DYNC1I1: variants seen among roughly 807,000 people sequenced by gnomAD.
The protein encoded by DYNC1I1 is cytoplasmic dynein 1 intermediate chain 1.
Under a neutral mutation model 86.6 loss-of-function variants are expected in DYNC1I1, and 43 were observed. That is an observed-to-expected ratio of 0.50 (90% CI 0.39 to 0.64). The LOEUF is 0.64. DYNC1I1 is among the 30% of genes least tolerant of loss of function. The pLI, the probability that DYNC1I1 is intolerant of heterozygous loss-of-function variation, is 0.00. For missense variants in DYNC1I1, 604 were observed against 788.8 expected, an observed-to-expected ratio of 0.77 and a Z score of 2.81; for synonymous variants, 262 against 283.7, an observed-to-expected ratio of 0.92 and a Z score of 0.77.
At chr7:96,007,068 A>G (rs1794159528) in intron 10 of DYNC1I1, among the ~76,000 whole-genome samples, 1 of 152,194 alleles carries the variant, frequency 6.6e-6, no homozygotes. Context: ...CTTAGAAACT[A>G]TTTATTTTTT....
At chr7:95,962,304 T>C (rs1410152086) in intron 6 of DYNC1I1, among the ~76,000 whole-genome samples, 1 of 152,200 alleles carries the variant, frequency 6.6e-6, no homozygotes, top group East Asian at 1.9e-4. Flanking sequence ...GGAGACTGTC[T>C]CACACAACTT....
At chr7:95,813,085 T>A (rs2115841865) in intron 3 of DYNC1I1, 162 bp from the exon 4 acceptor site, 1 of 1,423,106 alleles carries the variant, frequency 7.0e-7, no homozygotes, top group South Asian at 1.3e-5. Flanking sequence ...CTTTTTTCCT[T>A]TTCTTTCCTT....
intron 6 of DYNC1I1, among the ~76,000 whole-genome samples, chr7:95,926,287 T>G (rs1791742502): frequency 6.6e-6 from 1 of 152,178 alleles, no homozygotes; most frequent in Non-Finnish European, 1.5e-5. Flanking sequence ...GAAATACTAT[T>G]ACTGGTAGAC....
intron 6 of DYNC1I1, among the ~76,000 whole-genome samples, chr7:95,924,922 T>C (rs1177336159): frequency 3.9e-5 from 6 of 152,186 alleles, no homozygotes; most frequent in Non-Finnish European, 5.9e-5. Flanking sequence ...TAGCCAAAGC[T>C]TTTATAATCA....
chr7:96,015,131 A>C (rs917072707), intron 10 of DYNC1I1, among the ~76,000 whole-genome samples: 3 of 151,758 alleles, frequency 2.0e-5, no homozygotes, highest in African/African-American at 7.3e-5. Context: ...GTATAAAATC[A>C]TTTTTTTCTT....
At chr7:96,075,941 T>G (rs972411678) in intron 14 of DYNC1I1, 116 bp from the exon 15 acceptor site, 21 of 1,409,156 alleles carry the variant, frequency 1.5e-5, no homozygotes, top group Non-Finnish European at 1.9e-5. Context: ...TCGAGGACTT[T>G]CATCTCGGGA....
At chr7:96,058,657 C>T (rs1026378688) in intron 14 of DYNC1I1, among the ~76,000 whole-genome samples, 13 of 152,186 alleles carry the variant, frequency 8.5e-5, no homozygotes, top group Admixed American at 5.2e-4. Flanking sequence ...TTTTTTGAGA[C>T]GGAGTCTCAC....
intron 6 of DYNC1I1, among the ~76,000 whole-genome samples, chr7:95,963,429 G>T (rs1197400828): frequency 3.3e-5 from 5 of 152,120 alleles, no homozygotes; most frequent in African/African-American, 1.2e-4. Flanking sequence ...AAGAACATGT[G>T]TTCAATTATA....
chr7:95,947,251 T>A (rs996144777), intron 6 of DYNC1I1, among the ~76,000 whole-genome samples: 3 of 152,322 alleles, frequency 2.0e-5, no homozygotes, highest in African/African-American at 7.2e-5. Flanking sequence ...TCTGTAAATA[T>A]CTACTCACGT....
chr7:96,064,239 TCTCTCTCTCC>T (rs1256216731), intron 14 of DYNC1I1, among the ~76,000 whole-genome samples: 10 of 133,690 alleles, frequency 7.5e-5, no homozygotes, highest in Non-Finnish European at 1.5e-4. Flanking sequence ...TCTCTCTCTC[TCTCTCTCTCC>T]CTCTCTCAGT....
intron 6 of DYNC1I1, among the ~76,000 whole-genome samples, chr7:95,976,248 G>C (rs913025420): frequency 3.9e-5 from 6 of 152,116 alleles, no homozygotes; most frequent in Admixed American, 2.0e-4. Context: ...CATGCCTATA[G>C]AGTATGATAT....
chr7:95,889,658 A>G (rs1225765531), intron 6 of DYNC1I1, among the ~76,000 whole-genome samples: 4 of 152,222 alleles, frequency 2.6e-5, no homozygotes. Flanking sequence ...CAGAAAACCT[A>G]CAGAATGAGA....
intron 14 of DYNC1I1, chr7:96,055,781 G>A (rs954011280): frequency 6.6e-6 from 1 of 152,028 alleles, no homozygotes; most frequent in Non-Finnish European, 1.5e-5. Flanking sequence ...GAAGTAACTG[G>A]CCCTCCCATA....
chr7:95,822,812 C>G (rs1009409882), intron 4 of DYNC1I1, among the ~76,000 whole-genome samples: 5 of 152,118 alleles, frequency 3.3e-5, no homozygotes, highest in African/African-American at 1.2e-4. Context: ...GGAATACTGA[C>G]GGAAATTTAA....
At chr7:95,886,686 C>G (rs925580450) in intron 6 of DYNC1I1, among the ~76,000 whole-genome samples, 2 of 152,090 alleles carry the variant, frequency 1.3e-5, no homozygotes, top group Admixed American at 1.3e-4. Context: ...TGCCACTTGT[C>G]TGACTGTGCA....
Position 95,960,987 on chromosome 7 carries a change from G to A in DYNC1I1, c.491-16525G>A, listed in dbSNP as rs902242188. Among the ~76,000 whole-genome samples, 3 of 152,204 alleles carry A rather than the reference G, an allele frequency of 2.0e-5. 1 individual carries two copies. In the South Asian group the frequency reaches 6.2e-4, roughly 31 times the overall value. On this transcript the variant is annotated intron_variant, in intron 6 of 16. Coordinates refer to ENST00000447467, the MANE Select transcript of DYNC1I1 (RefSeq NM_001135556.2). ...AGGATTTGATGGGTCACAGTGGCTT[G>A]GCTGGAAGCCACAGGGTAGCTTTAA...
At chr7:95,863,739 T>A (rs1316258001) in intron 5 of DYNC1I1, among the ~76,000 whole-genome samples, 1 of 152,192 alleles carries the variant, frequency 6.6e-6, no homozygotes, top group Non-Finnish European at 1.5e-5. Flanking sequence ...GTGCCTCTCC[T>A]CTTATTTCAG....
At chr7:95,813,414 G>C in intron 4 of DYNC1I1, 77 bp downstream of exon 4, 1 of 1,500,450 alleles carries the variant, frequency 6.7e-7, no homozygotes, top group South Asian at 1.3e-5. Context: ...ACCACTGTTA[G>C]AATACTGTGA....
intron 6 of DYNC1I1, among the ~76,000 whole-genome samples, chr7:95,891,375 C>T (rs1372868889): frequency 6.6e-6 from 1 of 152,144 alleles, no homozygotes; most frequent in Non-Finnish European, 1.5e-5. Flanking sequence ...TGCGTTTGGT[C>T]TAAGGGTAAA....
Sources: gnomAD v4.1 joint callset for allele counts (sites outside exome capture counted in the v4.1 genomes callset) on GRCh38, gnomAD v4.1.1 for gene constraint, MANE v1.5 for transcripts, NCBI Gene and HGNC (gene_info 2026-07-23, HGNC 2026-07-21) for gene names.